The following CSMD1 variants were observed in gnomAD, a reference collection of about 807,000 sequenced individuals.
CSMD1 encodes the protein CUB and Sushi multiple domains 1, also known as CUB and sushi domain-containing protein 1.
CSMD1 carries 213 observed loss-of-function variants against 417.5 expected under a neutral mutation model. That is an observed-to-expected ratio of 0.51 (90% CI 0.46 to 0.57). The LOEUF (loss-of-function observed/expected upper bound fraction) is 0.57, where lower values mean the gene tolerates loss of function less well. CSMD1 is among the 20% of genes least tolerant of loss of function. The pLI is 0.00. For missense variants in CSMD1, 6,923 were observed against 4,529.7 expected, an observed-to-expected ratio of 1.53 and a Z score of -15.17; for synonymous variants, 2,862 against 1,736.8, an observed-to-expected ratio of 1.65 and a Z score of -16.11.
intron 4 of CSMD1, among the ~76,000 whole-genome samples, chr8:4,002,402 G>C (rs1012499692): frequency 1.3e-5 from 2 of 152,108 alleles, no homozygotes; most frequent in Non-Finnish European, 1.5e-5. Context: ...TTGAAGAAGA[G>C]CTACCTAACT....
intron 3 of CSMD1, among the ~76,000 whole-genome samples, chr8:4,178,647 T>A (rs28877354): frequency 2.0e-5 from 3 of 151,918 alleles, no homozygotes; most frequent in African/African-American, 7.3e-5. Context: ...AATTGTCCCT[T>A]TTTGCAGATA....
At chr8:4,025,576 T>G (rs1194773959) in intron 4 of CSMD1, among the ~76,000 whole-genome samples, 7 of 152,186 alleles carry the variant, frequency 4.6e-5, no homozygotes, top group African/African-American at 1.7e-4. Context: ...ATCATGCCTG[T>G]AAGAAGTGAA....
chr8:4,048,327 T>A (rs1798254705), intron 3 of CSMD1, among the ~76,000 whole-genome samples: 1 of 152,192 alleles, frequency 6.6e-6, no homozygotes, highest in African/African-American at 2.4e-5. Flanking sequence ...GAGTCTTTCA[T>A]TTATTCAATA....
chr8:3,435,324 G>C (rs769922197), intron 12 of CSMD1, among the ~76,000 whole-genome samples: 21 of 152,178 alleles, frequency 1.4e-4, no homozygotes, highest in African/African-American at 2.9e-4. Context: ...ATGGGGCAGA[G>C]GGGCTGAAAC....
intron 12 of CSMD1, among the ~76,000 whole-genome samples, chr8:3,454,693 G>A (rs939449244): frequency 6.6e-6 from 1 of 152,200 alleles, no homozygotes; most frequent in Non-Finnish European, 1.5e-5. Context: ...CTGTTAGTCT[G>A]ATGGGCTTCC....
chr8:4,946,272 G>C (rs577539035), intron 1 of CSMD1, among the ~76,000 whole-genome samples: 19 of 152,302 alleles, frequency 1.2e-4, no homozygotes, highest in Non-Finnish European at 2.4e-4. Context: ...CTTGTGAGAT[G>C]AAGAAAGCTT....
chr8:3,006,026 T>C (rs529272184), intron 52 of CSMD1, among the ~76,000 whole-genome samples: 7 of 151,766 alleles, frequency 4.6e-5, no homozygotes, highest in South Asian at 2.1e-4. Context: ...GAAAACCCCA[T>C]TGTCTCAGCC....
At chr8:4,907,627 A>G (rs1323737659) in intron 1 of CSMD1, among the ~76,000 whole-genome samples, 1 of 152,102 alleles carries the variant, frequency 6.6e-6, no homozygotes, top group Admixed American at 6.5e-5. Flanking sequence ...TGGCAAAAAC[A>G]TGGCTCACTG....
chr8:4,207,820 C>G (rs1585024243), intron 3 of CSMD1, among the ~76,000 whole-genome samples: 1 of 152,084 alleles, frequency 6.6e-6, no homozygotes, highest in Non-Finnish European at 1.5e-5. Flanking sequence ...TATGTTGAAA[C>G]AGATGCAACC....
chr8:2,982,934 G>A (rs1805549447), intron 54 of CSMD1, among the ~76,000 whole-genome samples: 2 of 152,108 alleles, frequency 1.3e-5, no homozygotes, highest in South Asian at 4.1e-4. Flanking sequence ...CAGTAACAGG[G>A]CATCACATAA....
At chr8:4,017,507 T>C (rs1373076530) in intron 4 of CSMD1, among the ~76,000 whole-genome samples, 2 of 152,156 alleles carry the variant, frequency 1.3e-5, no homozygotes, top group African/African-American at 4.8e-5. Context: ...GGTTTCTCCA[T>C]GTTGGTCAGG....
chr8:3,864,123 TA>T (rs890923267), intron 5 of CSMD1, among the ~76,000 whole-genome samples: 50 of 145,008 alleles, frequency 3.4e-4, no homozygotes, highest in East Asian at 7.7e-4. Flanking sequence ...GTTGATATTT[TA>T]AAAAAAAATG....
At chr8:4,274,244 T>G (rs952789396) in intron 3 of CSMD1, among the ~76,000 whole-genome samples, 1 of 152,120 alleles carries the variant, frequency 6.6e-6, no homozygotes, top group African/African-American at 2.4e-5. Context: ...TAATCAGCAT[T>G]TTATTAACAC....
chr8:3,250,330 T>C (rs753297779), intron 26 of CSMD1, among the ~76,000 whole-genome samples: 3 of 152,224 alleles, frequency 2.0e-5, no homozygotes, highest in Non-Finnish European at 4.4e-5. Flanking sequence ...ATCCTTGTGA[T>C]AGTTTGCTGA....
Position 4,434,701 on chromosome 8 carries a change from T to C in CSMD1, c.303-14636A>G, listed in dbSNP as rs549294139. Among the ~76,000 whole-genome samples, 15 of 152,216 alleles carry C rather than the reference T, an allele frequency of 9.9e-5. No homozygotes were observed. In the South Asian group the frequency reaches 2.7e-3, roughly 27 times the overall value. On this transcript the variant is annotated intron_variant, in intron 2 of 69. Coordinates refer to ENST00000635120, the MANE Select transcript of CSMD1 (RefSeq NM_033225.6). ...CTGGAAAGGAACAAAGAGTAACAAA[T>C]GTTTTCATGCCCCTGACAGTGCTCA...
chr8:4,212,361 G>A (rs961211009), intron 3 of CSMD1, among the ~76,000 whole-genome samples: 2 of 151,924 alleles, frequency 1.3e-5, no homozygotes, highest in Non-Finnish European at 2.9e-5. Flanking sequence ...CAATTAAAAG[G>A]CTTTACACAT....
chr8:4,467,560 G>T (rs1442494483), intron 2 of CSMD1, among the ~76,000 whole-genome samples: 3 of 152,138 alleles, frequency 2.0e-5, no homozygotes, highest in East Asian at 1.9e-4. Flanking sequence ...TTGAAAAATT[G>T]TTATTTTAAG....
chr8:4,603,612 GA>G (rs1439690434), intron 2 of CSMD1, among the ~76,000 whole-genome samples: 1 of 152,078 alleles, frequency 6.6e-6, no homozygotes, highest in East Asian at 1.9e-4. Context: ...GCGAAAACAT[GA>G]AAATAAAATG....
chr8:3,181,479 T>C (rs1821322207), intron 36 of CSMD1, among the ~76,000 whole-genome samples: 1 of 152,138 alleles, frequency 6.6e-6, no homozygotes, highest in African/African-American at 2.4e-5. Context: ...TAGCATGAGG[T>C]TTTTTTGCAT....
Sources: allele counts gnomAD v4.1 joint callset (sites outside exome capture counted in the v4.1 genomes callset), GRCh38; gene constraint gnomAD v4.1.1; transcripts MANE v1.5; gene names NCBI Gene and HGNC (gene_info 2026-07-23, HGNC 2026-07-21).